Variants in DPP6 observed in about 807,000 individuals in gnomAD.
DPP6 encodes the protein dipeptidyl peptidase like 6, also known as A-type potassium channel modulatory protein DPP6.
Under a neutral mutation model 122.6 loss-of-function variants are expected in DPP6, and 69 were observed. That is an observed-to-expected ratio of 0.56 (90% CI 0.46 to 0.69). The LOEUF (loss-of-function observed/expected upper bound fraction) is 0.69. Ranked by LOEUF, DPP6 falls within the 30% of genes least tolerant of loss-of-function variation. DPP6 has a pLI of 0.00. For missense variants in DPP6, 928 were observed against 1,116.9 expected (o/e 0.83, Z 2.41); for synonymous variants, 418 against 433.1 (o/e 0.97, Z 0.43).
intron 1 of DPP6, among the ~76,000 whole-genome samples, chr7:153,910,914 C>G (rs939275973): frequency 2.6e-5 from 4 of 152,178 alleles, no homozygotes; most frequent in African/African-American, 9.7e-5. Context: ...CCATCATCCT[C>G]TCCTACCTGG....
chr7:154,093,721 A>T (rs908379209), intron 1 of DPP6: 1 of 151,992 alleles, frequency 6.6e-6, no homozygotes, highest in African/African-American at 2.4e-5. Flanking sequence ...CCCTACCTCA[A>T]CTTCTTTCCA....
chr7:154,241,219 G>GTGTGTGTGTGTATA lies in DPP6; in HGVS notation c.243+188157_243+188158insGTGTGTGTGTATAT, dbSNP rs1444102599. On this transcript the variant is annotated intron_variant, in intron 1 of 25. Transcript: ENST00000377770. The surrounding 1 kb of genome is among the most constrained non-coding windows in gnomAD (Gnocchi z 9.0). The stretch of plus-strand genomic sequence containing the variant: ...TGTGTGTGTGTGTGTGTGTGTGTGT[G>GTGTGTGTGTGTATA]TATATATATATAGAGAGAGAGAGAG... 2.8e-5 allele frequency among the ~76,000 whole-genome samples: 4 copies of GTGTGTGTGTGTATA among 142,806 alleles called. No homozygotes were observed. The highest frequency in any genetic ancestry group is 1.2e-4 in the African/African-American group (4 of 34,604). The allele number at this position is 142,806 out of a possible 152,430, so 93.7% of individuals were successfully genotyped here. A position where few individuals can be genotyped will look rare whatever the true frequency, so the allele number is the denominator to read the frequency against.
intron 1 of DPP6, among the ~76,000 whole-genome samples, chr7:153,892,797 A>G (rs1799262229): frequency 6.6e-6 from 1 of 152,088 alleles, no homozygotes; most frequent in African/African-American, 2.4e-5. Flanking sequence ...TGGGTTCCAA[A>G]AATTCTAAGG....
At chr7:154,467,590 C>T (rs778594339) in intron 2 of DPP6, among the ~76,000 whole-genome samples, 3 of 152,196 alleles carry the variant, frequency 2.0e-5, no homozygotes, top group African/African-American at 7.2e-5. Context: ...AATTAAACCT[C>T]GTTTCATTAT....
chr7:154,224,123 T>C lies in DPP6; in HGVS notation c.243+171060T>C, dbSNP rs144968765. Among the ~76,000 whole-genome samples, 464 of 148,676 alleles carry C rather than the reference T, an allele frequency of 3.1e-3. 56 individuals are homozygous for C. Among genetic ancestry groups the C allele is most frequent in the African/African-American group, 0.012 (447 of 38,812 alleles). On this transcript the variant is annotated intron_variant, in intron 1 of 25. Transcript: ENST00000377770. ...CTGATCATTCCCTGGGAGGACACTGTGGCCCAGGCAGAGACACAGGCAGCC... is the reference window on the plus strand; with the variant it reads ...CTGATCATTCCCTGGGAGGACACTGCGGCCCAGGCAGAGACACAGGCAGCC...
intron 6 of DPP6, among the ~76,000 whole-genome samples, chr7:154,662,212 G>A (rs1230927895): frequency 4.2e-4 from 63 of 151,508 alleles, no homozygotes; most frequent in African/African-American, 5.8e-4. Context: ...TGGCCGTAGC[G>A]TTCACGCAGT....
intron 7 of DPP6, among the ~76,000 whole-genome samples, chr7:154,671,057 A>AC (rs1838521287): frequency 6.6e-6 from 1 of 152,224 alleles, no homozygotes; most frequent in African/African-American, 2.4e-5. Flanking sequence ...ACAAAGAGAC[A>AC]AAATTTGTCT....
chr7:153,814,033 C>A, the DPP6 span, among the ~76,000 whole-genome samples: 1 of 152,098 alleles, frequency 6.6e-6, no homozygotes, highest in South Asian at 2.1e-4. Flanking sequence ...TTAATTAGAT[C>A]CCATTTGTCA....
At chr7:154,658,792 GTC>G (rs1837435127) in intron 6 of DPP6, among the ~76,000 whole-genome samples, 1 of 152,248 alleles carries the variant, frequency 6.6e-6, no homozygotes. Context: ...GGACAGACGT[GTC>G]TCACACTCTG....
chr7:154,429,880 T>C (rs2151250721), intron 1 of DPP6, among the ~76,000 whole-genome samples: 1 of 152,312 alleles, frequency 6.6e-6, no homozygotes, highest in East Asian at 1.9e-4. Flanking sequence ...AGCTGGGTAT[T>C]ATATTCCAGT....
intron 1 of DPP6, among the ~76,000 whole-genome samples, chr7:154,235,515 T>C (rs1232093865): frequency 6.8e-6 from 1 of 146,246 alleles, no homozygotes; most frequent in African/African-American, 2.7e-5. Flanking sequence ...ACAAACCAAC[T>C]CTAAGTGATA....
chr7:153,923,785 A>T (rs1030445941), intron 1 of DPP6, among the ~76,000 whole-genome samples: 2 of 150,086 alleles, frequency 1.3e-5, no homozygotes, highest in African/African-American at 4.9e-5. Flanking sequence ...AAAAAAAAGA[A>T]GATTCCTTCA....
At chr7:153,998,861 CT>C (rs1169623525) in intron 1 of DPP6, among the ~76,000 whole-genome samples, 2 of 152,216 alleles carry the variant, frequency 1.3e-5, no homozygotes, top group Non-Finnish European at 2.9e-5. Flanking sequence ...AAGTAGTGAT[CT>C]TTTGAATGAA....
intron 1 of DPP6, among the ~76,000 whole-genome samples, chr7:154,264,058 C>G (rs1803208486): frequency 6.6e-6 from 1 of 152,132 alleles, no homozygotes; most frequent in Admixed American, 6.5e-5. Context: ...AAGAAAATAA[C>G]TTACATGGCC....
chr7:154,411,954 G>A (rs1052855007), intron 1 of DPP6, among the ~76,000 whole-genome samples: 1 of 152,138 alleles, frequency 6.6e-6, no homozygotes, highest in African/African-American at 2.4e-5. Context: ...CAAGCAGGGT[G>A]TGGCTTAGAA....
chr7:154,050,037 C>G (rs543956812), upstream of DPP6, among the ~76,000 whole-genome samples: 85 of 152,224 alleles, frequency 5.6e-4, 1 homozygote, highest in African/African-American at 1.9e-3. Context: ...TCCAGTCCTC[C>G]CCAGCATTCC....
At chr7:154,757,015 CCTT>C (rs1843715043) in intron 8 of DPP6, among the ~76,000 whole-genome samples, 1 of 151,296 alleles carries the variant, frequency 6.6e-6, no homozygotes, top group Non-Finnish European at 1.5e-5. Flanking sequence ...CAGGCCAGCC[CCTT>C]CTTCATCTTT....
chr7:153,935,751 A>G (rs868347210), intron 1 of DPP6, among the ~76,000 whole-genome samples: 2 of 152,024 alleles, frequency 1.3e-5, no homozygotes, highest in African/African-American at 4.8e-5. Context: ...AGACTTCCCC[A>G]CCACCACGCG....
At chr7:154,174,192 G>C (rs1347458529) in intron 1 of DPP6, among the ~76,000 whole-genome samples, 1 of 152,228 alleles carries the variant, frequency 6.6e-6, no homozygotes, top group Non-Finnish European at 1.5e-5. Flanking sequence ...CGCACTAGCT[G>C]CATGACTTTG....
Sources: gnomAD v4.1 joint callset for allele counts (sites outside exome capture counted in the v4.1 genomes callset) on GRCh38, gnomAD v4.1.1 for gene constraint, Gnocchi (gnomAD v3.1) non-coding constraint, MANE v1.5 for transcripts, NCBI Gene and HGNC (gene_info 2026-07-23, HGNC 2026-07-21) for gene names.